The following NKAIN2 variants were observed in gnomAD, a reference collection of about 807,000 sequenced individuals.
The protein encoded by NKAIN2 is sodium/potassium-transporting ATPase subunit beta-1-interacting protein 2.
In NKAIN2, 14 loss-of-function variants were observed where a neutral mutation model predicts 32.6. That is an observed-to-expected ratio of 0.43 (90% CI 0.28 to 0.67). The LOEUF (loss-of-function observed/expected upper bound fraction) is 0.67, where lower values mean the gene tolerates loss of function less well. NKAIN2 is among the 30% of genes least tolerant of loss of function. NKAIN2 has a pLI of 0.17. For synonymous variants in NKAIN2, 80 were observed against 87.2 expected (o/e 0.92, Z 0.46); for missense variants, 198 against 258.3 (o/e 0.77, Z 1.60).
chr6:124,385,311 G>A (rs1298827544), intron 3 of NKAIN2, among the ~76,000 whole-genome samples: 1 of 152,064 alleles, frequency 6.6e-6, no homozygotes, highest in Non-Finnish European at 1.5e-5. Context: ...AGGAGAAACA[G>A]GAGTCTCTTA....
At chr6:124,492,100 A>G (rs1777886799) in intron 3 of NKAIN2, among the ~76,000 whole-genome samples, 1 of 151,982 alleles carries the variant, frequency 6.6e-6, no homozygotes, top group Non-Finnish European at 1.5e-5. Flanking sequence ...TATTATTGTA[A>G]TAGCTAATCT....
At chr6:124,091,866 C>T (rs1162142603) in intron 1 of NKAIN2, among the ~76,000 whole-genome samples, 1 of 151,978 alleles carries the variant, frequency 6.6e-6, no homozygotes, top group Non-Finnish European at 1.5e-5. Context: ...CTCTTTCCCG[C>T]ATCATATGCA....
intron 3 of NKAIN2, among the ~76,000 whole-genome samples, chr6:124,484,759 TTGTAAACATGCA>T (rs1232869911): frequency 6.6e-6 from 1 of 152,106 alleles, no homozygotes; most frequent in African/African-American, 2.4e-5. Flanking sequence ...AAATACATAC[TTGTAAACATGCA>T]TGTATGAATA....
chr6:124,436,008 A>G (rs1253008866), intron 3 of NKAIN2, among the ~76,000 whole-genome samples: 1 of 152,166 alleles, frequency 6.6e-6, no homozygotes, highest in Non-Finnish European at 1.5e-5. Flanking sequence ...TCACTTTATT[A>G]CTTTTTAAAG....
chr6:124,405,607 T>C (rs1216368937), intron 3 of NKAIN2, among the ~76,000 whole-genome samples: 1 of 151,478 alleles, frequency 6.6e-6, no homozygotes, highest in African/African-American at 2.4e-5. Context: ...CTCAAACTCC[T>C]GGGCTCAAGT....
chr6:124,614,345 G>A (rs9388348), intron 3 of NKAIN2, among the ~76,000 whole-genome samples: 26,178 of 152,114 alleles, frequency 0.17, 2,469 homozygotes, highest in Middle Eastern at 0.24. Flanking sequence ...AGTGAGGCGA[G>A]ATGGTGCCAC....
At chr6:124,331,600 C>T (rs965717810) in intron 2 of NKAIN2, among the ~76,000 whole-genome samples, 4 of 151,498 alleles carry the variant, frequency 2.6e-5, no homozygotes, top group Non-Finnish European at 4.4e-5. Flanking sequence ...ATAAATAGGG[C>T]TCAGGATTTT....
chr6:124,707,317 T>C (rs973175952), intron 4 of NKAIN2, among the ~76,000 whole-genome samples: 1 of 152,108 alleles, frequency 6.6e-6, no homozygotes, highest in African/African-American at 2.4e-5. Flanking sequence ...GCATGTGTCT[T>C]TATAGCAGAA....
intron 3 of NKAIN2, among the ~76,000 whole-genome samples, chr6:124,396,659 G>A (rs1037859169): frequency 6.6e-6 from 1 of 152,058 alleles, no homozygotes; most frequent in Middle Eastern, 3.2e-3. Context: ...AGCAATTCAG[G>A]CCAGAGATCA....
chr6:124,149,865 A>G (rs1307386235), intron 1 of NKAIN2, among the ~76,000 whole-genome samples: 1 of 149,002 alleles, frequency 6.7e-6, no homozygotes, highest in Non-Finnish European at 1.5e-5. Context: ...AGCAGCCCCT[A>G]GAAGCTGGAC....
At chr6:124,534,374 C>T (rs1053675867) in intron 3 of NKAIN2, among the ~76,000 whole-genome samples, 73 of 152,184 alleles carry the variant, frequency 4.8e-4, no homozygotes, top group African/African-American at 1.7e-3. Context: ...TGGTCTTGAA[C>T]TCCTGGCCTC....
intron 4 of NKAIN2, among the ~76,000 whole-genome samples, chr6:124,751,057 T>C (rs979865795): frequency 3.3e-5 from 5 of 152,060 alleles, no homozygotes; most frequent in Admixed American, 6.6e-5. Context: ...GTAGACTTTG[T>C]AGTGTCAAAA....
intron 3 of NKAIN2, among the ~76,000 whole-genome samples, chr6:124,425,126 A>G (rs1202973087): frequency 2.0e-5 from 3 of 152,202 alleles, no homozygotes; most frequent in Non-Finnish European, 4.4e-5. Flanking sequence ...CCAATCTGCC[A>G]CATATTTCAA....
intron 3 of NKAIN2, among the ~76,000 whole-genome samples, chr6:124,656,261 A>C (rs1784535570): frequency 6.6e-6 from 1 of 152,216 alleles, no homozygotes. Context: ...AAGTTATCCA[A>C]AGTCACTATA....
At chr6:124,517,848 C>A (rs765571135) in intron 3 of NKAIN2, among the ~76,000 whole-genome samples, 68 of 152,000 alleles carry the variant, frequency 4.5e-4, no homozygotes, top group Non-Finnish European at 7.8e-4. Flanking sequence ...CGTGCTAATT[C>A]CAATATTTAC....
intron 1 of NKAIN2, among the ~76,000 whole-genome samples, chr6:123,994,217 T>A (rs1779524602): frequency 6.6e-6 from 1 of 151,540 alleles, no homozygotes; most frequent in South Asian, 2.1e-4. Flanking sequence ...TTTTTTTTTT[T>A]AGATTCTGAG....
intron 1 of NKAIN2, among the ~76,000 whole-genome samples, chr6:124,159,459 T>C (rs1415529724): frequency 6.6e-6 from 1 of 152,174 alleles, no homozygotes; most frequent in East Asian, 1.9e-4. Context: ...ATGTAACATG[T>C]ACTTGAAATT....
chr6:124,336,681 T>A (rs202060816), intron 2 of NKAIN2, among the ~76,000 whole-genome samples: 1 of 23,178 alleles, frequency 4.3e-5, no homozygotes. Flanking sequence ...TTTTTTTGTT[T>A]GTTTTTTTTT....
At chr6:124,561,973 A>G (rs1385084297) in intron 3 of NKAIN2, among the ~76,000 whole-genome samples, 1 of 152,206 alleles carries the variant, frequency 6.6e-6, no homozygotes, top group East Asian at 1.9e-4. Flanking sequence ...CTCATATTTT[A>G]TCTCTGTGCT....
Sources: gnomAD v4.1 joint callset for allele counts (sites outside exome capture counted in the v4.1 genomes callset) on GRCh38, gnomAD v4.1.1 for gene constraint, MANE v1.5 for transcripts, NCBI Gene and HGNC (gene_info 2026-07-23, HGNC 2026-07-21) for gene names.